TINAGL1: variants seen among roughly 807,000 people sequenced by gnomAD.
TINAGL1 encodes the protein tubulointerstitial nephritis antigen-like.
Under a neutral mutation model 62.0 loss-of-function variants are expected in TINAGL1, and 34 were observed. The observed-to-expected ratio is 0.55, with a 90% CI of 0.42 to 0.73. The LOEUF (loss-of-function observed/expected upper bound fraction) is 0.73, where lower values mean the gene tolerates loss of function less well. Ranked by LOEUF, TINAGL1 falls within the 30% of genes least tolerant of loss-of-function variation. The pLI is 0.00. For missense variants in TINAGL1, 516 were observed against 653.2 expected (o/e 0.79, Z 2.29); for synonymous variants, 221 against 249.7 (o/e 0.88, Z 1.08).
intron 2 of TINAGL1, among the ~76,000 whole-genome samples, chr1:31,578,750 T>C (rs1251324458): frequency 7.5e-6 from 1 of 132,868 alleles, no homozygotes; most frequent in Non-Finnish European, 1.6e-5. Flanking sequence ...ATGTCTTCAG[T>C]TATAGTTTAA....
At position 31,584,959 on chromosome 1, in the gene TINAGL1, G is replaced by C; in HGVS notation, c.780G>C (p.Leu260=). The part of the protein sequence containing the change: ...MTPVLSPQNL[L]SCDTHQQQGC... ...CTGTCCTGTCGCCCCAGAACCTGCT[G>C]TCTTGTGACACCCACCAGCAGCAGG... Residue 260 remains leucine, a synonymous_variant, in exon 7 of 12, where the codon CTG becomes CTC. Transcript: ENST00000271064. The surrounding 1 kb of genome is among the most constrained non-coding windows in gnomAD (Gnocchi z 4.0). 1 of 1,611,954 alleles carries C rather than the reference G, an allele frequency of 6.2e-7. No individual in the cohort carries two copies.
rs1371717870 is a variant in TINAGL1, at chr1:31,585,550, G to A, written c.1093+65G>A. 4 of 1,602,890 alleles carry A rather than the reference G, an allele frequency of 2.5e-6. No individual in the cohort carries two copies. The African/African-American group carries it at 5.3e-5, about 21-fold the overall frequency. On this transcript the variant is annotated intron_variant, in intron 9 of 11. Coordinates refer to ENST00000271064, the MANE Select transcript of TINAGL1 (RefSeq NM_022164.3). This position sits in a 1 kb window ranked among gnomAD's most constrained non-coding sequence, Gnocchi z 4.3. ...TGCCTGCTTGAGAGTGGGCACAGTA[G>A]CACAAGTGGCCTGCACAGCATTCAG...
Position 31,583,639 on chromosome 1 carries a change from C to A in TINAGL1, c.582+64C>A. On this transcript the variant is annotated intron_variant, in intron 5 of 11. Coordinates refer to ENST00000271064, the MANE Select transcript of TINAGL1 (RefSeq NM_022164.3). The surrounding 1 kb of genome is among the most constrained non-coding windows in gnomAD (Gnocchi z 4.4). ...TGGCTCAGAACCTCAGGGATGCTGG[C>A]CCTGTGCCCTGCTCCTCCAAGGGCC... 1 of 1,413,612 alleles carries A rather than the reference C, an allele frequency of 7.1e-7. No homozygotes were observed. The highest frequency in any genetic ancestry group is 9.7e-7 in the Non-Finnish European group (1 of 1,027,850). The allele number at this position is 1,413,612 out of a possible 1,614,324, so 87.6% of individuals were successfully genotyped here.
intron 3 of TINAGL1, among the ~76,000 whole-genome samples, chr1:31,582,377 C>T (rs764185131): frequency 5.3e-5 from 8 of 151,226 alleles, no homozygotes; most frequent in Non-Finnish European, 1.2e-4. Context: ...TGTGAACCAT[C>T]AGGGGCCAGC....
At chr1:31,586,619 A>T in intron 10 of TINAGL1, 91 bp from the exon 11 acceptor site, 1 of 1,491,570 alleles carries the variant, frequency 6.7e-7, no homozygotes, top group South Asian at 1.2e-5. Context: ...TCCAAAGGCA[A>T]CTGGGGGCTG....
In TINAGL1 at chr1:31,577,632, T is replaced by C; in HGVS notation, c.310+174T>C. 1 of 718,792 alleles carries C rather than the reference T, an allele frequency of 1.4e-6. No individual in the cohort carries two copies. The highest frequency in any genetic ancestry group is 1.8e-5 in the African/African-American group (1 of 55,972). The allele number at this position is 718,792 out of a possible 1,614,324, so 44.5% of individuals were successfully genotyped here. On this transcript the variant is annotated intron_variant, in intron 2 of 11. Coordinates refer to ENST00000271064, the MANE Select transcript of TINAGL1 (RefSeq NM_022164.3). The surrounding 1 kb of genome is among the most constrained non-coding windows in gnomAD (Gnocchi z 5.4). ...CTCCAGCAAGACTGAAGAAGCTCCT[T>C]GGTTAGAATTCTAATTTGGCCCAGG... is the stretch of plus-strand genomic sequence containing the variant.
At position 31,584,617 on chromosome 1, in the gene TINAGL1, G is replaced by A; in HGVS notation, c.583-61G>A. The stretch of plus-strand genomic sequence containing the variant: ...ACTTGGTGGCCCTCCAGTGCCAATG[G>A]GCACCTGAGGGGCAGGCCAGGGCAG... On this transcript the variant is annotated intron_variant, in intron 5 of 11. Transcript: ENST00000271064. This position sits in a 1 kb window ranked among gnomAD's most constrained non-coding sequence, Gnocchi z 4.0. The A allele has an allele frequency of 6.2e-7, 1 of 1,608,866 alleles. No homozygotes were observed. The highest frequency in any genetic ancestry group is 8.5e-7 in the Non-Finnish European group (1 of 1,177,478).
At position 31,577,934 on chromosome 1, in the gene TINAGL1, G is replaced by T. The variant is rs896485955; in HGVS notation, c.310+476G>T. Among the ~76,000 whole-genome samples, 1 of 152,138 alleles carries T rather than the reference G, an allele frequency of 6.6e-6. No individual in the cohort carries two copies. The highest frequency in any genetic ancestry group is 2.4e-5 in the African/African-American group (1 of 41,410). ...CCTGTCCAATAGGAGAATCACTTGC[G>T]TTCCTTCCCACAGTTCCATGGGGCT... is the stretch of plus-strand genomic sequence containing the variant. On this transcript the variant is annotated intron_variant, in intron 2 of 11. Transcript: ENST00000271064. The surrounding 1 kb of genome is among the most constrained non-coding windows in gnomAD (Gnocchi z 5.4).
chr1:31,580,835 G>C, intron 3 of TINAGL1: 1 of 1,167,422 alleles, frequency 8.6e-7, no homozygotes. Context: ...CTGAGCTCAG[G>C]AGATGGAGCG....
Position 31,586,884 on chromosome 1 carries a change from TTCCG to T in TINAGL1, c.1310_1313del (p.Phe437SerfsTer45), listed in dbSNP as rs1557563682. 6.4e-7 allele frequency: 1 copy of T among 1,551,426 alleles called. No individual in the cohort carries two copies. The highest frequency in any genetic ancestry group is 8.7e-7 in the Non-Finnish European group (1 of 1,149,866). On this transcript the variant is annotated frameshift_variant, in exon 12 of 12. Coordinates refer to ENST00000271064, the MANE Select transcript of TINAGL1 (RefSeq NM_022164.3). LOFTEE classifies it high-confidence loss of function. ...CCCAGCCTGGGGCGAGAGGGGCCAC[TTCCG>T]CATCGTGCGCGGCGTCAATGAGTGC...
intron 3 of TINAGL1, among the ~76,000 whole-genome samples, chr1:31,582,601 G>C (rs1639277076): frequency 6.6e-6 from 1 of 152,186 alleles, no homozygotes; most frequent in South Asian, 2.1e-4. Flanking sequence ...AGCAGGGCAA[G>C]GGGCAGATGC....
Position 31,585,673 on chromosome 1 carries a change from C to T in TINAGL1, c.1094-80C>T. The stretch of plus-strand genomic sequence containing the variant: ...CTTTGGTATGGAGGGACCCTGGTGC[C>T]TGGGCACATCTCAATAGACTCAGGC... On this transcript the variant is annotated intron_variant, in intron 9 of 11. Coordinates refer to ENST00000271064, the MANE Select transcript of TINAGL1 (RefSeq NM_022164.3). This position sits in a 1 kb window ranked among gnomAD's most constrained non-coding sequence, Gnocchi z 4.3. 2 of 1,555,958 alleles carry T rather than the reference C, an allele frequency of 1.3e-6. No homozygotes were observed. The highest frequency in any genetic ancestry group is 1.7e-6 in the Non-Finnish European group (2 of 1,149,748).
rs1639337569 is a variant in TINAGL1, at chr1:31,584,657, A to G, written c.583-21A>G. ...GGCCAGGGCAGAGCAGGAGGCAGAC[A>G]GGGCAACCTTTATCTTGCAGACAGT... On this transcript the variant is annotated intron_variant, in intron 5 of 11. Transcript: ENST00000271064. This position sits in a 1 kb window ranked among gnomAD's most constrained non-coding sequence, Gnocchi z 4.0. 1 of 1,612,512 alleles carries G rather than the reference A, an allele frequency of 6.2e-7. No homozygotes were observed. The highest frequency in any genetic ancestry group is 8.5e-7 in the Non-Finnish European group (1 of 1,180,012).
Position 31,584,602 on chromosome 1 carries a change from C to A in TINAGL1, c.583-76C>A, listed in dbSNP as rs78461805. ...TGCAGAAGGCCCTGGACTTGGTGGC[C>A]CTCCAGTGCCAATGGGCACCTGAGG... On this transcript the variant is annotated intron_variant, in intron 5 of 11. Transcript: ENST00000271064. This position sits in a 1 kb window ranked among gnomAD's most constrained non-coding sequence, Gnocchi z 4.0. 70,205 of 1,601,758 alleles carry A rather than the reference C, an allele frequency of 0.044. 1,753 individuals carry two copies. The highest frequency in any genetic ancestry group is 0.076 in the Middle Eastern group (336 of 4,420).
In TINAGL1 at chr1:31,586,605, AC is replaced by A. The variant is rs933977038; in HGVS notation, c.1218-102del. The stretch of plus-strand genomic sequence containing the variant: ...TGCCTGAGCCCTAAGGGTGTACCCA[AC>A]CCTCCAAAGGCAACTGGGGGCTGGA... On this transcript the variant is annotated intron_variant, in intron 10 of 11. Transcript: ENST00000271064. The A allele has an allele frequency of 1.4e-4, 185 of 1,370,322 alleles. No homozygotes were observed. In the African/African-American group the frequency reaches 2.3e-3, roughly 17 times the overall value. 84.9% of individuals were successfully genotyped at this position (1,370,322 alleles called of 1,614,324 possible).
intron 3 of TINAGL1, chr1:31,580,664 A>G (rs1639221137): frequency 7.8e-7 from 1 of 1,288,790 alleles, no homozygotes; most frequent in South Asian, 1.2e-5. Context: ...GCTCCTTAAA[A>G]GGCAACATTG....
Position 31,577,316 on chromosome 1 carries a change from C to T in TINAGL1, c.168C>T (p.Arg56=), listed in dbSNP as rs561420275. ...GCCAGGAGCAGGACCTGTGCTGCCG[C>T]GGCCGTGCCGACGACTGTGCCCTGC... ...RYCQEQDLCC[R]GRADDCALPY... is the part of the protein sequence containing the mutation. Residue 56 remains arginine, a synonymous_variant, in exon 2 of 12, where the codon CGC becomes CGT. Coordinates refer to ENST00000271064, the MANE Select transcript of TINAGL1 (RefSeq NM_022164.3). The surrounding 1 kb of genome is among the most constrained non-coding windows in gnomAD (Gnocchi z 5.4). 2.9e-5 allele frequency: 47 copies of T among 1,613,736 alleles called. 1 individual carries two copies. Among genetic ancestry groups the T allele is most frequent in the East Asian group, 2.2e-4 (10 of 44,886 alleles).
chr1:31,578,099 A>G, intron 2 of TINAGL1: 1 of 975,926 alleles, frequency 1.0e-6, no homozygotes, highest in Non-Finnish European at 1.2e-6. Flanking sequence ...TTTAAATGGA[A>G]AAGGATCCCA....
Position 31,583,507 on chromosome 1 carries a change from G to A in TINAGL1, c.514G>A (p.Glu172Lys), listed in dbSNP as rs770903447. 2 of 1,614,078 alleles carry A rather than the reference G, an allele frequency of 1.2e-6. No homozygotes were observed. Among genetic ancestry groups the A allele is most frequent in the East Asian group, 2.2e-5 (1 of 44,882 alleles). Residue 172 changes from glutamate to lysine, a missense_variant, in exon 5 of 12, where the codon GAG becomes AAG. Transcript: ENST00000271064. This position sits in a 1 kb window ranked among gnomAD's most constrained non-coding sequence, Gnocchi z 4.4. ...HSAFWGMTLD[E>K]GIRYRLGTIR... ...CGCCTTCTGGGGCATGACCCTGGAT[G>A]AGGGCATTCGCTACCGCCTGGGCAC...
Sources: allele counts gnomAD v4.1 joint callset (sites outside exome capture counted in the v4.1 genomes callset), GRCh38; gene constraint gnomAD v4.1.1; non-coding constraint Gnocchi (gnomAD v3.1); transcripts MANE v1.5; gene names NCBI Gene and HGNC (gene_info 2026-07-23, HGNC 2026-07-21).